The following ERBIN variants were observed in gnomAD, a reference collection of about 807,000 sequenced individuals.
ERBIN encodes the protein erbb2 interacting protein.
Under a neutral mutation model 158.4 loss-of-function variants are expected in ERBIN, and 60 were observed. The observed-to-expected ratio is 0.38, with a 90% CI of 0.31 to 0.47. The LOEUF is 0.47. Ranked by LOEUF, ERBIN falls within the 20% of genes least tolerant of loss-of-function variation. The pLI is 0.99. For missense variants in ERBIN, 1,610 were observed against 1,648.0 expected (o/e 0.98, Z 0.40); for synonymous variants, 594 against 557.2 (o/e 1.07, Z -0.93).
intron 4 of ERBIN, among the ~76,000 whole-genome samples, chr5:66,008,166 C>G (rs1377697276): frequency 6.6e-6 from 1 of 152,124 alleles, no homozygotes; most frequent in Non-Finnish European, 1.5e-5. Flanking sequence ...CACCTGTAAT[C>G]CCAACACTGG....
At position 66,054,599 on chromosome 5, in the gene ERBIN, C is replaced by G. The variant is rs531058112; in HGVS notation, c.3281C>G (p.Thr1094Arg). The G allele has an allele frequency of 6.2e-6, 10 of 1,614,030 alleles. No individual in the cohort carries two copies. The highest frequency in any genetic ancestry group is 7.6e-6 in the Non-Finnish European group (9 of 1,180,022). Residue 1094 changes from threonine (T) to arginine (R), a missense_variant, in exon 21 of 26, where the codon ACA (threonine) becomes AGA (arginine). This residue lies in a region of ERBIN where 1,014 missense variants were observed against 936.1 expected (regional missense o/e 1.08). Coordinates refer to ENST00000284037, the MANE Select transcript of ERBIN (RefSeq NM_001253697.2). ...GTAAATCTTGGTGATCCAGGCTCTACAAGGCGGGCTCAGATTCCTGAAGGA... is the reference window on the plus strand; with the variant it reads ...GTAAATCTTGGTGATCCAGGCTCTAGAAGGCGGGCTCAGATTCCTGAAGGA... ...ASVNLGDPGS[T>R]RRAQIPEGDY...
At chr5:66,017,083 C>G (rs1412178639) in intron 7 of ERBIN, among the ~76,000 whole-genome samples, 1 of 152,030 alleles carries the variant, frequency 6.6e-6, no homozygotes, top group Non-Finnish European at 1.5e-5. Flanking sequence ...CATACTTTAT[C>G]CATTCTTCTG....
chr5:66,060,834 G>C (rs766313874), intron 21 of ERBIN, among the ~76,000 whole-genome samples: 33 of 152,060 alleles, frequency 2.2e-4, no homozygotes, highest in East Asian at 5.8e-4. Context: ...GTGCAGTTTC[G>C]ATGTAGTTGA....
rs1419182293 is a variant in ERBIN at position 66,044,320 on chromosome 5, T to C, written c.1602+10T>C. ...AGATGTGGGTGTGAAGGTTAGAAAATTCAAAAGGATTAACCAAAGCCTATT... is the reference window on the plus strand; with the variant it reads ...AGATGTGGGTGTGAAGGTTAGAAAACTCAAAAGGATTAACCAAAGCCTATT... On this transcript the variant is annotated intron_variant, in intron 17 of 25. Transcript: ENST00000284037. 1.3e-6 allele frequency: 2 copies of C among 1,575,826 alleles called. No individual in the cohort carries two copies. The highest frequency in any genetic ancestry group is 1.7e-6 in the Non-Finnish European group (2 of 1,168,234).
intron 24 of ERBIN, 163 bp from the exon 25 acceptor site, chr5:66,076,712 G>C (rs1762013824): frequency 3.2e-6 from 2 of 621,774 alleles, no homozygotes; most frequent in Middle Eastern, 4.4e-4. Context: ...AGAATTACTA[G>C]AGGTAAAAAT....
chr5:66,046,363 G>GTAC lies in ERBIN; in HGVS notation c.1620_1622dup (p.Thr541dup), dbSNP rs781039294. On this transcript the variant is annotated inframe_insertion, in exon 18 of 26. Transcript: ENST00000284037. ...TTTTCTTTTACTTAGACCTCAGAAAGTACTACTACAGTAAAAAGCAAAGTT... is the reference window on the plus strand; with the variant it reads ...TTTTCTTTTACTTAGACCTCAGAAAGTACTACTACTACAGTAAAAAGCAAAGTT... 1 of 1,560,808 alleles carries GTAC rather than the reference G, an allele frequency of 6.4e-7. No individual in the cohort carries two copies. The highest frequency in any genetic ancestry group is 8.7e-7 in the Non-Finnish European group (1 of 1,144,732).
chr5:66,003,565 T>G (rs1461992578), intron 4 of ERBIN, among the ~76,000 whole-genome samples: 2 of 152,194 alleles, frequency 1.3e-5, no homozygotes, highest in Non-Finnish European at 2.9e-5. Flanking sequence ...GAAAAGGTGC[T>G]GTTTGGTATT....
Position 66,054,384 on chromosome 5 carries a change from T to G in ERBIN, c.3066T>G (p.Ala1022=). The change falls in exon 21 of 26, where the codon GCT becomes GCG. Residue 1022 remains alanine, a synonymous_variant. Coordinates refer to ENST00000284037, the MANE Select transcript of ERBIN (RefSeq NM_001253697.2). ...RSESTENQSY[A]KHSANMNFSN... Reference sequence around the variant, plus strand: ...AGAGCACAGAAAATCAAAGTTATGCTAAACATTCTGCCAATATGAATTTCT... The same window carrying G: ...AGAGCACAGAAAATCAAAGTTATGCGAAACATTCTGCCAATATGAATTTCT... The G allele has an allele frequency of 6.2e-7, 1 of 1,614,204 alleles. No homozygotes were observed. The highest frequency in any genetic ancestry group is 8.5e-7 in the Non-Finnish European group (1 of 1,180,032).
intron 1 of ERBIN, among the ~76,000 whole-genome samples, chr5:65,942,317 A>G (rs1253385975): frequency 6.6e-6 from 1 of 152,144 alleles, no homozygotes; most frequent in African/African-American, 2.4e-5. Context: ...TTATACCAGC[A>G]TTTTCCTAGG....
intron 17 of ERBIN, among the ~76,000 whole-genome samples, chr5:66,044,920 A>T (rs1236731836): frequency 6.7e-6 from 1 of 148,994 alleles, no homozygotes; most frequent in Non-Finnish European, 1.5e-5. Flanking sequence ...CAGAAAGTTT[A>T]AAAAAAAAAA....
chr5:65,975,719 A>T (rs528522587), intron 1 of ERBIN, among the ~76,000 whole-genome samples: 3 of 152,374 alleles, frequency 2.0e-5, no homozygotes, highest in Admixed American at 1.3e-4. Context: ...AAGTCAGTGC[A>T]TGTGGACAAC....
chr5:66,032,467 GT>G (rs1320388985), intron 14 of ERBIN, among the ~76,000 whole-genome samples: 1 of 152,142 alleles, frequency 6.6e-6, no homozygotes, highest in Non-Finnish European at 1.5e-5. Flanking sequence ...AGTTGTGTCT[GT>G]CTCAGGCAAA....
At chr5:65,955,156 AT>A (rs1254465291) in intron 1 of ERBIN, among the ~76,000 whole-genome samples, 3 of 152,122 alleles carry the variant, frequency 2.0e-5, no homozygotes, top group Non-Finnish European at 4.4e-5. Context: ...AATGGTTCGG[AT>A]TTTTAAAAAA....
Position 66,008,941 on chromosome 5 carries a change from G to A in ERBIN, c.308-3108G>A, listed in dbSNP as rs988462396. Among the ~76,000 whole-genome samples the A allele has an allele frequency of 9.2e-5, 14 of 152,070 alleles. 1 individual carries two copies. The highest frequency in any genetic ancestry group is 3.4e-4 in the African/African-American group (14 of 41,384). On this transcript the variant is annotated intron_variant, in intron 4 of 25. Transcript: ENST00000284037. ...CATCAGTAGACATATAATTAACTCAGCAATTCCAGTCTTAGGTATTTACCC... is the reference window on the plus strand; with the variant it reads ...CATCAGTAGACATATAATTAACTCAACAATTCCAGTCTTAGGTATTTACCC...
At chr5:65,995,778 ACTTAT>A (rs1343873025) in intron 4 of ERBIN, among the ~76,000 whole-genome samples, 1 of 152,076 alleles carries the variant, frequency 6.6e-6, no homozygotes, top group African/African-American at 2.4e-5. Flanking sequence ...CCTCATCAGC[ACTTAT>A]CTTTAGTCTT....
intron 1 of ERBIN, among the ~76,000 whole-genome samples, chr5:65,950,753 C>T (rs1176486334): frequency 3.3e-5 from 5 of 151,844 alleles, no homozygotes. Flanking sequence ...ACTATTTCTC[C>T]TTAAAGGTTT....
intron 1 of ERBIN, among the ~76,000 whole-genome samples, chr5:65,937,072 A>G (rs1400095841): frequency 6.6e-6 from 1 of 152,236 alleles, no homozygotes; most frequent in African/African-American, 2.4e-5. Flanking sequence ...TAATTATGAC[A>G]TTGAAAAATT....
In ERBIN at chr5:65,957,280, G is replaced by T. The variant is rs547062270; in HGVS notation, c.-58+30474G>T. Among the ~76,000 whole-genome samples, 30 of 151,682 alleles carry T rather than the reference G, an allele frequency of 2.0e-4. 1 individual carries two copies. The East Asian group carries it at 5.6e-3, about 28-fold the overall frequency. ...GTTTCTCGCAGAGGGGGATTTGGCAGGGTCACAGGACAACAGTGGAGGGAA... is the reference window on the plus strand; with the variant it reads ...GTTTCTCGCAGAGGGGGATTTGGCATGGTCACAGGACAACAGTGGAGGGAA... On this transcript the variant is annotated intron_variant, in intron 1 of 25. Coordinates refer to ENST00000284037, the MANE Select transcript of ERBIN (RefSeq NM_001253697.2).
At chr5:66,010,362 A>T (rs1015236377) in intron 4 of ERBIN, among the ~76,000 whole-genome samples, 9 of 151,776 alleles carry the variant, frequency 5.9e-5, no homozygotes, top group African/African-American at 2.2e-4. Flanking sequence ...TGATGATGTT[A>T]ACTGATGATG....
Sources: allele counts gnomAD v4.1 joint callset (sites outside exome capture counted in the v4.1 genomes callset), GRCh38; gene constraint gnomAD v4.1.1; regional missense constraint gnomAD v4.1.1; transcripts MANE v1.5; gene names NCBI Gene and HGNC (gene_info 2026-07-23, HGNC 2026-07-21).